The following BNIP1 variants were observed in gnomAD, a reference collection of about 807,000 sequenced individuals.
The protein encoded by BNIP1 is BCL2 interacting protein 1, also known as vesicle transport protein SEC20.
Under a neutral mutation model 28.5 loss-of-function variants are expected in BNIP1, and 25 were observed. The observed-to-expected ratio is 0.88, with a 90% CI of 0.64 to 1.23. The LOEUF is 1.23. Ranked by LOEUF, BNIP1 falls within the 50% of genes most tolerant of loss-of-function variation. The probability of loss-of-function intolerance (pLI) is 0.00; values close to 1 mark genes in which losing one functional copy is unlikely to be tolerated. For missense variants in BNIP1, 276 were observed against 277.0 expected (o/e 1.00, Z 0.02); for synonymous variants, 118 against 101.7 (o/e 1.16, Z -0.96).
At chr5:173,147,790 G>A (rs1010830989) in intron 2 of BNIP1, among the ~76,000 whole-genome samples, 3 of 151,762 alleles carry the variant, frequency 2.0e-5, no homozygotes, top group Non-Finnish European at 4.4e-5. Context: ...TGGGCAAAGA[G>A]TTGTGCACCA....
chr5:173,157,117 C>T (rs1760223789), intron 3 of BNIP1, among the ~76,000 whole-genome samples: 1 of 152,112 alleles, frequency 6.6e-6, no homozygotes, highest in African/African-American at 2.4e-5. Flanking sequence ...AGTACTGCCC[C>T]TCATTCATCT....
intron 4 of BNIP1, 95 bp downstream of exon 4, chr5:173,158,940 T>G (rs1760284777): frequency 3.8e-6 from 3 of 786,090 alleles, no homozygotes; most frequent in Non-Finnish European, 5.7e-6. Flanking sequence ...TGGTGCTTAA[T>G]TTAATTACAT....
At chr5:173,157,361 T>C (rs571722099) in intron 3 of BNIP1, among the ~76,000 whole-genome samples, 1 of 152,346 alleles carries the variant, frequency 6.6e-6, no homozygotes, top group African/African-American at 2.4e-5. Context: ...AAGTATGAGT[T>C]TGATTCTTAG....
chr5:173,147,497 A>C (rs990184387), intron 2 of BNIP1, among the ~76,000 whole-genome samples: 5 of 151,996 alleles, frequency 3.3e-5, no homozygotes, highest in African/African-American at 1.2e-4. Flanking sequence ...GAATTTTTGA[A>C]ATCCTGGGGC....
At chr5:173,144,970 G>A in intron 1 of BNIP1, 1 of 215,088 alleles carries the variant, frequency 4.6e-6, no homozygotes, top group Non-Finnish European at 9.4e-6. Flanking sequence ...CTGTCACCCT[G>A]CTTGGCCCCG....
intron 2 of BNIP1, among the ~76,000 whole-genome samples, chr5:173,149,067 A>G (rs1476178013): frequency 6.6e-6 from 1 of 152,140 alleles, no homozygotes; most frequent in Non-Finnish European, 1.5e-5. Flanking sequence ...CTGAGTGTGG[A>G]AACATGCCTG....
chr5:173,152,228 C>G (rs1002790202), intron 2 of BNIP1, among the ~76,000 whole-genome samples: 2 of 152,164 alleles, frequency 1.3e-5, no homozygotes, highest in African/African-American at 4.8e-5. Context: ...CTTTTTAATC[C>G]CTCCGCTTTT....
At chr5:173,152,954 AC>A (rs1157317106) in intron 2 of BNIP1, among the ~76,000 whole-genome samples, 1 of 152,156 alleles carries the variant, frequency 6.6e-6, no homozygotes, top group Non-Finnish European at 1.5e-5. Flanking sequence ...TAATTTGTAA[AC>A]CAAAAAATGT....
At chr5:173,154,522 G>T in intron 3 of BNIP1, 109 bp downstream of exon 3, 1 of 793,140 alleles carries the variant, frequency 1.3e-6, no homozygotes, top group Non-Finnish European at 1.9e-6. Context: ...ACTTAATGGT[G>T]TCTTTTTTTT....
intron 2 of BNIP1, among the ~76,000 whole-genome samples, chr5:173,149,835 G>A (rs758823475): frequency 2.6e-5 from 4 of 152,096 alleles, no homozygotes; most frequent in Non-Finnish European, 5.9e-5. Flanking sequence ...GATGACTTAT[G>A]CCATTCATTA....
In BNIP1 at chr5:173,154,432, C is replaced by G. The variant is rs765806742; in HGVS notation, c.269+19C>G. On this transcript the variant is annotated intron_variant, in intron 3 of 5. Transcript: ENST00000351486. ...TGCTCAGGTAGGCAGGGCCTGCCCC[C>G]GCCAGCGGCTTCTGCTGGCTCTTCT... 1 of 1,594,024 alleles carries G rather than the reference C, an allele frequency of 6.3e-7. No individual in the cohort carries two copies. The highest frequency in any genetic ancestry group is 8.6e-7 in the Non-Finnish European group (1 of 1,165,744).
At chr5:173,160,848 A>C in intron 5 of BNIP1, 1 of 456,288 alleles carries the variant, frequency 2.2e-6, no homozygotes, top group South Asian at 1.5e-5. Flanking sequence ...TGTGAATCAG[A>C]GGCTACAGGA....
chr5:173,145,784 G>T (rs1173342101), intron 1 of BNIP1, among the ~76,000 whole-genome samples: 3 of 152,128 alleles, frequency 2.0e-5, no homozygotes, highest in Non-Finnish European at 4.4e-5. Flanking sequence ...AACAAGGTGT[G>T]GCAAAAAGTG....
intron 2 of BNIP1, among the ~76,000 whole-genome samples, chr5:173,148,086 ATATATATATATATATATATAT>A (rs1561593467): frequency 0.021 from 484 of 23,122 alleles, 99 homozygotes; most frequent in African/African-American, 0.1. Context: ...AAAAAAAAAT[ATATATATATATATATATATAT>A]ATATATATAT....
At position 173,146,939 on chromosome 5, in the gene BNIP1, A is replaced by C. The variant is rs1167303132; in HGVS notation, c.158A>C (p.Gln53Pro). 3 of 1,613,664 alleles carry C rather than the reference A, an allele frequency of 1.9e-6. No individual in the cohort carries two copies. The highest frequency in any genetic ancestry group is 1.7e-6 in the Non-Finnish European group (2 of 1,179,574). Reference protein sequence around the residue: ...LNTKVKEKFQQLRHRIQDLEQ... With the variant: ...LNTKVKEKFQPLRHRIQDLEQ... The stretch of plus-strand genomic sequence containing the variant: ...ACTAAAGTAAAAGAGAAATTTCAAC[A>C]GTTGCGTCACAGAATACAGGTGGGT... The change falls in exon 2 of 6, where the codon CAG becomes CCG. Residue 53 changes from glutamine to proline, a missense_variant. Physicochemically the swap from Gln to Pro is moderately conservative, Grantham distance 76. Coordinates refer to ENST00000351486, the MANE Select transcript of BNIP1 (RefSeq NM_001205.3).
At chr5:173,158,037 G>A (rs559185446) in intron 3 of BNIP1, among the ~76,000 whole-genome samples, 1 of 149,988 alleles carries the variant, frequency 6.7e-6, no homozygotes, top group South Asian at 2.1e-4. Flanking sequence ...GGTGATCTTC[G>A]CTCCTCCGCC....
rs1003487899 is a variant in BNIP1 at position 173,159,834 on chromosome 5, T to C, written c.372-99T>C. On this transcript the variant is annotated intron_variant, in intron 4 of 5. Coordinates refer to ENST00000351486, the MANE Select transcript of BNIP1 (RefSeq NM_001205.3). ...TGATCATTTAAAATATGTATACTAATTGGATAGGTAAAACATGAGATCTCA... is the reference window on the plus strand; with the variant it reads ...TGATCATTTAAAATATGTATACTAACTGGATAGGTAAAACATGAGATCTCA... The C allele has an allele frequency of 4.0e-6, 4 of 991,002 alleles. No individual in the cohort carries two copies. The African/African-American group carries it at 6.5e-5, about 16-fold the overall frequency. The allele number at this position is 991,002 out of a possible 1,614,324, so 61.4% of individuals were successfully genotyped here.
chr5:173,154,509 C>T lies in BNIP1; in HGVS notation c.269+96C>T. 16 of 957,656 alleles carry T rather than the reference C, an allele frequency of 1.7e-5. No homozygotes were observed. The South Asian group carries it at 2.6e-4, about 16-fold the overall frequency. 59.3% of individuals were successfully genotyped at this position (957,656 alleles called of 1,614,324 possible). A position where few individuals can be genotyped will look rare whatever the true frequency, so the allele number is the denominator to read the frequency against. On this transcript the variant is annotated intron_variant, in intron 3 of 5. Transcript: ENST00000351486. The stretch of plus-strand genomic sequence containing the variant: ...TTTGCCTGATGGATCTGCTTTAATG[C>T]TGACTTAATGGTGTCTTTTTTTTTT...
rs920129686 is a variant in BNIP1, at chr5:173,148,647, G to A, written c.177+1689G>A. On this transcript the variant is annotated intron_variant, in intron 2 of 5. Transcript: ENST00000351486. The stretch of plus-strand genomic sequence containing the variant: ...CTCCTTGGCCTCTGTTTAGCCTCAT[G>A]AGTAGTTCAGTAAAAGTCCTGCAAA... Among the ~76,000 whole-genome samples, 19 of 152,276 alleles carry A rather than the reference G, an allele frequency of 1.2e-4. 1 individual carries two copies. The highest frequency in any genetic ancestry group is 4.6e-4 in the African/African-American group (19 of 41,558).
Sources: allele counts gnomAD v4.1 joint callset (sites outside exome capture counted in the v4.1 genomes callset), GRCh38; gene constraint gnomAD v4.1.1; transcripts MANE v1.5; gene names NCBI Gene and HGNC (gene_info 2026-07-23, HGNC 2026-07-21).